SLC35F4: variants seen among roughly 807,000 people sequenced by gnomAD.
SLC35F4 encodes the protein chromosome 14 open reading frame 36.
In SLC35F4, 24 loss-of-function variants were observed where a neutral mutation model predicts 44.2. That is an observed-to-expected ratio of 0.54 (90% CI 0.39 to 0.76). SLC35F4 has a LOEUF of 0.76. Ranked by LOEUF, SLC35F4 falls within the 30% of genes least tolerant of loss-of-function variation. The pLI is 0.00. For missense variants in SLC35F4, 562 were observed against 586.1 expected (o/e 0.96, Z 0.42); for synonymous variants, 238 against 223.6 (o/e 1.06, Z -0.57).
rs550307375 is a variant in SLC35F4 at position 57,917,371 on chromosome 14, AT to A, written n.282+64541del. Among the ~76,000 whole-genome samples, 652 of 151,832 alleles carry A rather than the reference AT, an allele frequency of 4.3e-3. 2 individuals carry two copies. The highest frequency in any genetic ancestry group is 0.015 in the African/African-American group (606 of 41,398). On this transcript the variant is annotated intron_variant and non_coding_transcript_variant, in intron 1 of 1. Transcript: ENST00000556568. ...ACCACACCCAGCCCTCTCTGCTTAC[AT>A]TTTTTTTATTTCTCCTTGCATGTTG...
chr14:57,695,026 G>A (rs2075341236), intron 1 of SLC35F4, among the ~76,000 whole-genome samples: 1 of 152,008 alleles, frequency 6.6e-6, no homozygotes, highest in South Asian at 2.1e-4. Flanking sequence ...AATTCAAGAT[G>A]GATTAAAGAC....
intron 1 of SLC35F4, among the ~76,000 whole-genome samples, chr14:57,696,637 T>G (rs1337998372): frequency 6.6e-6 from 1 of 152,192 alleles, no homozygotes; most frequent in Non-Finnish European, 1.5e-5. Context: ...TGCAGCACGA[T>G]TTACAATAGC....
chr14:57,651,643 G>A (rs1315040408), intron 1 of SLC35F4, among the ~76,000 whole-genome samples: 1 of 152,070 alleles, frequency 6.6e-6, no homozygotes, highest in East Asian at 1.9e-4. Context: ...GAACAGGGTG[G>A]AGCTGAGGTA....
chr14:57,691,570 A>T (rs1319475105), intron 1 of SLC35F4, among the ~76,000 whole-genome samples: 2 of 152,226 alleles, frequency 1.3e-5, no homozygotes, highest in Non-Finnish European at 2.9e-5. Flanking sequence ...ATAGTCATTT[A>T]TGTGAACTTC....
intron 1 of SLC35F4, among the ~76,000 whole-genome samples, chr14:57,981,283 G>C (rs1261519489): frequency 6.6e-6 from 1 of 152,190 alleles, no homozygotes; most frequent in Non-Finnish European, 1.5e-5. Context: ...CCACGTGGCA[G>C]AGACTGATAA....
At chr14:57,758,542 C>T (rs1409726575) in intron 1 of SLC35F4, among the ~76,000 whole-genome samples, 1 of 152,004 alleles carries the variant, frequency 6.6e-6, no homozygotes, top group Non-Finnish European at 1.5e-5. Context: ...CATGTCTTAA[C>T]ATTGTCAATA....
intron 1 of SLC35F4, among the ~76,000 whole-genome samples, chr14:57,916,730 G>A (rs1208745528): frequency 6.6e-6 from 1 of 152,020 alleles, no homozygotes; most frequent in African/African-American, 2.4e-5. Flanking sequence ...CTCACTACCT[G>A]GGTGATGGGA....
At chr14:57,906,115 C>T (rs1013604236) in intron 1 of SLC35F4, among the ~76,000 whole-genome samples, 16 of 152,126 alleles carry the variant, frequency 1.1e-4, no homozygotes, top group African/African-American at 3.6e-4. Flanking sequence ...CAGCCTAAAC[C>T]TTGACAGGGT....
intron 1 of SLC35F4, among the ~76,000 whole-genome samples, chr14:57,832,408 T>G (rs559842742): frequency 6.6e-6 from 1 of 152,312 alleles, no homozygotes; most frequent in African/African-American, 2.4e-5. Context: ...GAAGAATATG[T>G]AGGATGAACA....
chr14:57,587,840 G>C (rs540785697), intron 3 of SLC35F4, among the ~76,000 whole-genome samples: 1 of 83,644 alleles, frequency 1.2e-5, no homozygotes, highest in South Asian at 3.4e-4. Context: ...AAGGCCAAAT[G>C]AATAAAGAAT....
At chr14:57,691,118 G>A (rs867729236) in intron 1 of SLC35F4, among the ~76,000 whole-genome samples, 6 of 152,100 alleles carry the variant, frequency 3.9e-5, no homozygotes, top group African/African-American at 1.2e-4. Context: ...CACAGTGTAT[G>A]GCTTGTAAGA....
intron 1 of SLC35F4, among the ~76,000 whole-genome samples, chr14:57,981,548 T>G (rs112695041): frequency 0.011 from 1,724 of 152,224 alleles, 30 homozygotes; most frequent in African/African-American, 0.04. Flanking sequence ...CTCAAAATAA[T>G]GAAGTGGGAT....
intron 4 of SLC35F4, among the ~76,000 whole-genome samples, chr14:57,576,645 A>T (rs2068807715): frequency 6.9e-6 from 1 of 145,432 alleles, no homozygotes; most frequent in Non-Finnish European, 1.5e-5. Flanking sequence ...GAAAAATAAG[A>T]GGTGTGGCAA....
chr14:57,653,636 C>T (rs2073863012), intron 1 of SLC35F4, among the ~76,000 whole-genome samples: 1 of 152,154 alleles, frequency 6.6e-6, no homozygotes, highest in African/African-American at 2.4e-5. Context: ...TATTTAGCTT[C>T]CCAGTCAAGC....
At chr14:57,911,114 A>T (rs1169888402) in intron 1 of SLC35F4, among the ~76,000 whole-genome samples, 2 of 152,008 alleles carry the variant, frequency 1.3e-5, no homozygotes, top group African/African-American at 4.8e-5. Context: ...TTTGTATGTT[A>T]ACCTTGTATT....
intron 1 of SLC35F4, among the ~76,000 whole-genome samples, chr14:57,698,540 T>C (rs1051475551): frequency 6.6e-6 from 1 of 152,112 alleles, no homozygotes; most frequent in African/African-American, 2.4e-5. Context: ...CTTCTTGAGG[T>C]TCAAGCAGAT....
chr14:57,704,901 T>G (rs948275143), intron 1 of SLC35F4, among the ~76,000 whole-genome samples: 1 of 152,198 alleles, frequency 6.6e-6, no homozygotes, highest in Non-Finnish European at 1.5e-5. Context: ...CAGGGCTTCT[T>G]GCAGCAGAGT....
intron 1 of SLC35F4, among the ~76,000 whole-genome samples, chr14:57,686,306 AT>A (rs1221303381): frequency 1.3e-5 from 2 of 152,190 alleles, no homozygotes; most frequent in Admixed American, 6.6e-5. Flanking sequence ...TTTGAAATTA[AT>A]TCCTAAAGCT....
chr14:57,619,379 C>G (rs1177352021), intron 1 of SLC35F4, among the ~76,000 whole-genome samples: 1 of 150,524 alleles, frequency 6.6e-6, no homozygotes, highest in African/African-American at 2.5e-5. Flanking sequence ...GCAGCCTCCG[C>G]TGGTGATACC....
Sources: gnomAD v4.1 joint callset for allele counts (sites outside exome capture counted in the v4.1 genomes callset) on GRCh38, gnomAD v4.1.1 for gene constraint, MANE v1.5 for transcripts, NCBI Gene and HGNC (gene_info 2026-07-23, HGNC 2026-07-21) for gene names.